BPNT2: variants seen among roughly 807,000 people sequenced by gnomAD.
The protein encoded by BPNT2 is Golgi-resident adenosine 3',5'-bisphosphate 3'-phosphatase.
In BPNT2, 11 loss-of-function variants were observed where a neutral mutation model predicts 29.3. The ratio of observed to expected loss-of-function variants is 0.38; its 90% confidence interval spans 0.24 to 0.62. The LOEUF (loss-of-function observed/expected upper bound fraction) is 0.62, where lower values mean the gene tolerates loss of function less well. Among genes scored for constraint, BPNT2 ranks in the 20% least tolerant of loss-of-function variants. The pLI is 0.62. For synonymous variants in BPNT2, 195 were observed against 187.7 expected (o/e 1.04, Z -0.32); for missense variants, 459 against 473.4 (o/e 0.97, Z 0.28).
chr8:56,964,230 TA>T (rs1484872409), intron 4 of BPNT2, 166 bp from the exon 5 acceptor site: 1 of 571,120 alleles, frequency 1.8e-6, no homozygotes, highest in African/African-American at 1.9e-5. Flanking sequence ...AAAAAAATTT[TA>T]AAGTAACTGT....
Position 56,966,260 on chromosome 8 carries a change from C to T in BPNT2, c.739G>A (p.Gly247Arg), listed in dbSNP as rs1331666989. The change falls in exon 4 of 5, where the codon GGG becomes AGG. Residue 247 changes from glycine (G) to arginine (R), a missense_variant. Physicochemically the swap from Gly to Arg is moderately radical, Grantham distance 125 (BLOSUM62 -2). Transcript: ENST00000262644. ...TGAAGAGCGACCTGTTTGACCATCC[C>T]TGAATGGGAACGAGACACAACGATC... ...PRIVVSRSHS[G>R]MVKQVALQTF... The T allele has an allele frequency of 1.2e-6, 2 of 1,614,090 alleles. No individual in the cohort carries two copies. The highest frequency in any genetic ancestry group is 1.7e-6 in the Non-Finnish European group (2 of 1,179,962).
At chr8:56,978,935 T>C (rs906093574) in intron 2 of BPNT2, among the ~76,000 whole-genome samples, 3 of 152,172 alleles carry the variant, frequency 2.0e-5, no homozygotes, top group Admixed American at 6.5e-5. Context: ...AAATAACTAA[T>C]GGATACTAGG....
At chr8:56,967,097 A>T (rs1805965199) in intron 3 of BPNT2, 1 of 455,142 alleles carries the variant, frequency 2.2e-6, no homozygotes, top group African/African-American at 2.0e-5. Context: ...ACTATACAAG[A>T]GAACAAACTT....
chr8:56,990,757 T>G (rs1806404274), intron 1 of BPNT2, among the ~76,000 whole-genome samples: 1 of 152,100 alleles, frequency 6.6e-6, no homozygotes, highest in East Asian at 1.9e-4. Context: ...CAAATGTCAG[T>G]TAGGGGACAA....
intron 1 of BPNT2, among the ~76,000 whole-genome samples, chr8:56,984,430 T>C (rs965961795): frequency 2.0e-5 from 3 of 152,204 alleles, no homozygotes; most frequent in African/African-American, 4.8e-5. Flanking sequence ...TCCTCAATCC[T>C]TTCTCGCGTG....
rs532219991 is a variant in BPNT2 at position 56,993,586 on chromosome 8, G to A, written c.-1C>T. Reference sequence around the variant, plus strand: ...AAAGGCGGATGCCCATGGGGGCCATGGCGTGGGAAGCCGGGCGCTCCGGGC... The same window carrying A: ...AAAGGCGGATGCCCATGGGGGCCATAGCGTGGGAAGCCGGGCGCTCCGGGC... On this transcript the variant is annotated 5_prime_UTR_variant, in exon 1 of 5. Transcript: ENST00000262644. 3 of 1,431,718 alleles carry A rather than the reference G, an allele frequency of 2.1e-6. No individual in the cohort carries two copies. The highest frequency in any genetic ancestry group is 6.2e-5 in the East Asian group (2 of 32,286). The allele number at this position is 1,431,718 out of a possible 1,614,324, so 88.7% of individuals were successfully genotyped here. A position where few individuals can be genotyped will look rare whatever the true frequency, so the allele number is the denominator to read the frequency against.
At chr8:56,979,115 G>A (rs1297014881) in intron 2 of BPNT2, among the ~76,000 whole-genome samples, 1 of 152,046 alleles carries the variant, frequency 6.6e-6, no homozygotes, top group Admixed American at 6.5e-5. Flanking sequence ...AAAGAGTTCT[G>A]GTTCTACAGG....
intron 3 of BPNT2, 108 bp from the exon 4 acceptor site, chr8:56,966,460 T>C (rs1304671552): frequency 2.1e-6 from 2 of 931,338 alleles, no homozygotes; most frequent in African/African-American, 3.3e-5. Flanking sequence ...AGCTCTCTTC[T>C]AAAAAATTAT....
chr8:56,975,227 A>G (rs556647544), intron 3 of BPNT2, among the ~76,000 whole-genome samples: 1 of 152,292 alleles, frequency 6.6e-6, no homozygotes, highest in East Asian at 1.9e-4. Flanking sequence ...TCTAAGAAAA[A>G]AAAGCAAAAA....
chr8:56,980,817 T>TACACACACACACAC (rs1343746473), intron 1 of BPNT2, among the ~76,000 whole-genome samples: 4 of 67,910 alleles, frequency 5.9e-5, no homozygotes, highest in Admixed American at 1.8e-4. Context: ...CATACATACA[T>TACACACACACACAC]ATACACACAC....
rs1056258127 is a variant in BPNT2 at position 56,963,226 on chromosome 8, A to G, written c.*567T>C. 6.5e-6 allele frequency: 1 copy of G among 152,866 alleles called. No individual in the cohort carries two copies. The highest frequency in any genetic ancestry group is 1.5e-5 in the Non-Finnish European group (1 of 68,254). The allele number at this position is 152,866 out of a possible 1,614,324, so 9.5% of individuals were successfully genotyped here. On this transcript the variant is annotated 3_prime_UTR_variant, in exon 5 of 5. Coordinates refer to ENST00000262644, the MANE Select transcript of BPNT2 (RefSeq NM_017813.5). ...CTGGTGAACCTGTTATTAAAATTTA[A>G]AAGAAAAAATCAATTAAACTTTTTC...
chr8:56,966,143 A>G, intron 4 of BPNT2, 48 bp downstream of exon 4: 1 of 1,593,010 alleles, frequency 6.3e-7, no homozygotes, highest in South Asian at 1.1e-5. Flanking sequence ...CATAGCCTTG[A>G]CCATGCCAGG....
chr8:56,987,467 T>G (rs1041692682), intron 1 of BPNT2, among the ~76,000 whole-genome samples: 1 of 152,188 alleles, frequency 6.6e-6, no homozygotes, highest in Admixed American at 6.5e-5. Context: ...TTCTTCTGCC[T>G]TACTGCTGAG....
intron 4 of BPNT2, 144 bp downstream of exon 4, chr8:56,966,047 C>A: frequency 1.2e-6 from 1 of 857,248 alleles, no homozygotes; most frequent in African/African-American, 1.7e-5. Flanking sequence ...CTCGAGGTTA[C>A]CAAACAGGAG....
intron 3 of BPNT2, among the ~76,000 whole-genome samples, chr8:56,971,052 G>A (rs1160298264): frequency 6.6e-6 from 1 of 152,028 alleles, no homozygotes; most frequent in Non-Finnish European, 1.5e-5. Context: ...CATACTACCA[G>A]AATAATGTAA....
At position 56,963,870 on chromosome 8, in the gene BPNT2, GT is replaced by G. The variant is rs748575076; in HGVS notation, c.1002del (p.Leu335SerfsTer7). The G allele has an allele frequency of 1.2e-6, 2 of 1,613,954 alleles. No individual in the cohort carries two copies. Among genetic ancestry groups the G allele is most frequent in the Non-Finnish European group, 1.7e-6 (2 of 1,179,968 alleles). ...SYTGSDGIEG[G>X]LLASIRMNHQ... ...TGGTTCATTCTGATGCTAGCAAGGA[GT>G]CCCCCTTCAATGCCGTCTGAACCAG... is the stretch of plus-strand genomic sequence containing the variant. On this transcript the variant is annotated frameshift_variant, in exon 5 of 5. Coordinates refer to ENST00000262644, the MANE Select transcript of BPNT2 (RefSeq NM_017813.5). LOFTEE classifies it high-confidence loss of function.
rs1289190497 is a variant in BPNT2 at position 56,964,194 on chromosome 8, GC to G, written c.809-131del. ...GGAGCTTGCTGCAGTCTCTGCAACT[GC>G]TTAAGTTTAAAATTATTTCAAATTA... is the stretch of plus-strand genomic sequence containing the variant. On this transcript the variant is annotated intron_variant, in intron 4 of 4. Transcript: ENST00000262644. 2.7e-4 allele frequency: 170 copies of G among 623,768 alleles called. 1 individual carries two copies. Among genetic ancestry groups the G allele is most frequent in the Middle Eastern group, 8.4e-4 (2 of 2,376 alleles). 38.6% of individuals were successfully genotyped at this position (623,768 alleles called of 1,614,324 possible). A position where few individuals can be genotyped will look rare whatever the true frequency, so the allele number is the denominator to read the frequency against.
chr8:56,964,188 G>A, intron 4 of BPNT2, 124 bp from the exon 5 acceptor site: 1 of 648,924 alleles, frequency 1.5e-6, no homozygotes, highest in Non-Finnish European at 2.6e-6. Context: ...TGCAGTCTCT[G>A]CAACTGCTTA....
At position 56,960,944 on chromosome 8, in the gene BPNT2, G is replaced by A. The variant is rs1805822604; in HGVS notation, c.*2849C>T. The A allele has an allele frequency of 6.6e-6, 1 of 152,136 alleles. No homozygotes were observed. Among genetic ancestry groups the A allele is most frequent in the Non-Finnish European group, 1.5e-5 (1 of 68,036 alleles). 9.4% of individuals were successfully genotyped at this position (152,136 alleles called of 1,614,324 possible). ...TTCAGCAGCCAATATCCAGAAAAAT[G>A]TATATCTAAAAGAATTTGGGAGTGA... is the stretch of plus-strand genomic sequence containing the variant. On this transcript the variant is annotated 3_prime_UTR_variant, in exon 5 of 5. Transcript: ENST00000262644.
Sources: allele counts gnomAD v4.1 joint callset (sites outside exome capture counted in the v4.1 genomes callset), GRCh38; gene constraint gnomAD v4.1.1; transcripts MANE v1.5; gene names NCBI Gene and HGNC (gene_info 2026-07-23, HGNC 2026-07-21).